Variants in CCAR2 observed in about 807,000 individuals in gnomAD.
The protein encoded by CCAR2 is cell cycle and apoptosis regulator protein 2.
CCAR2 carries 21 observed loss-of-function variants against 108.1 expected under a neutral mutation model. The ratio of observed to expected loss-of-function variants is 0.19; its 90% CI spans 0.14 to 0.28. The LOEUF is 0.28. Among genes scored for constraint, CCAR2 ranks in the 10% least tolerant of loss-of-function variants. The pLI is 1.00. For synonymous variants in CCAR2, 577 were observed against 472.8 expected, an observed-to-expected ratio of 1.22 and a Z score of -2.86; for missense variants, 1,126 against 1,177.0, an observed-to-expected ratio of 0.96 and a Z score of 0.63.
At chr8:22,618,545 C>G in intron 17 of CCAR2, 50 bp downstream of exon 17, 1 of 1,614,072 alleles carries the variant, frequency 6.2e-7, no homozygotes, top group Non-Finnish European at 8.5e-7. Flanking sequence ...TGCACTTACT[C>G]CTGCTCTAGG....
chr8:22,613,329 C>T (rs1224564244), intron 8 of CCAR2, among the ~76,000 whole-genome samples, 193 bp downstream of exon 8: 3 of 145,466 alleles, frequency 2.1e-5, no homozygotes, highest in Admixed American at 1.4e-4. Flanking sequence ...GATTTTATTT[C>T]GTATGAACAT....
In CCAR2 at chr8:22,614,965, C is replaced by T; in HGVS notation, c.1169C>T (p.Ala390Val). The change falls in exon 11 of 21, where the codon GCC becomes GTC. Residue 390 changes from alanine (A) to valine (V), a missense_variant. Around this residue, in one of 4 missense-constraint regions of CCAR2, gnomAD observed 1,013 missense variants for 993.9 expected, o/e 1.02. Transcript: ENST00000308511. ...LVRTAIRCAQ[A>V]QTGIDLSGCT... ...CGTACCGCCATCCGCTGTGCGCAGGCCCAGACTGGCATTGATTTGAGCGGC... is the reference window on the plus strand; with the variant it reads ...CGTACCGCCATCCGCTGTGCGCAGGTCCAGACTGGCATTGATTTGAGCGGC... 6.2e-7 allele frequency: 1 copy of T among 1,602,616 alleles called. No individual in the cohort carries two copies. Among genetic ancestry groups the T allele is most frequent in the South Asian group, 1.1e-5 (1 of 89,690 alleles).
At chr8:22,609,052 C>CTTTTTTTTT (rs71546822) in intron 7 of CCAR2, among the ~76,000 whole-genome samples, 1 of 133,154 alleles carries the variant, frequency 7.5e-6, no homozygotes. Context: ...CTTTTTTTTT[C>CTTTTTTTTT]TTTTTTTTTT....
At chr8:22,617,217 G>GA (rs1416011764) in intron 14 of CCAR2, among the ~76,000 whole-genome samples, 1 of 152,012 alleles carries the variant, frequency 6.6e-6, no homozygotes, top group Non-Finnish European at 1.5e-5. Context: ...AACTCCTGAG[G>GA]AAAAAAGCCC....
chr8:22,615,136 T>G (rs1350544412), intron 11 of CCAR2, 135 bp downstream of exon 11: 1 of 1,246,404 alleles, frequency 8.0e-7, no homozygotes, highest in Non-Finnish European at 1.1e-6. Context: ...CTCTGGTGCC[T>G]CAGGGTAGGG....
intron 16 of CCAR2, 57 bp from the exon 17 acceptor site, chr8:22,618,292 G>A (rs570707255): frequency 6.8e-6 from 11 of 1,609,742 alleles, no homozygotes; most frequent in South Asian, 4.4e-5. Flanking sequence ...AATCCTGGGC[G>A]ATAGAGCCAC....
intron 11 of CCAR2, 149 bp downstream of exon 11, chr8:22,615,150 G>C (rs1801449800): frequency 8.7e-7 from 1 of 1,145,182 alleles, no homozygotes; most frequent in Non-Finnish European, 1.2e-6. Flanking sequence ...GGTAGGGTGG[G>C]GTGTATGCCA....
chr8:22,617,268 A>C (rs1401897513), intron 14 of CCAR2, 152 bp from the exon 15 acceptor site: 1 of 890,706 alleles, frequency 1.1e-6, no homozygotes, highest in African/African-American at 1.7e-5. Flanking sequence ...AATCCCACTT[A>C]ATGAAATTAA....
chr8:22,605,216 CG>C, intron 1 of CCAR2: 1 of 182,456 alleles, frequency 5.5e-6, no homozygotes, highest in Non-Finnish European at 1.2e-5. Context: ...AACAACGGGT[CG>C]GGCTTCCGGG....
chr8:22,605,368 G>C, intron 1 of CCAR2: 1 of 173,816 alleles, frequency 5.8e-6, no homozygotes, highest in Middle Eastern at 2.8e-3. Flanking sequence ...AGCTACTCTG[G>C]GGGTGGCGTG....
chr8:22,616,270 G>A (rs1211129948), intron 14 of CCAR2, 22 bp downstream of exon 14: 2 of 1,607,108 alleles, frequency 1.2e-6, no homozygotes, highest in African/African-American at 2.7e-5. Context: ...GCCACCTCGG[G>A]CTGTCATAGT....
rs1585163058 is a variant in CCAR2, at chr8:22,615,926, G to GTCTT, written c.1608+15_1608+18dup. 6.2e-7 allele frequency: 1 copy of GTCTT among 1,613,810 alleles called. No homozygotes were observed. Among genetic ancestry groups the GTCTT allele is most frequent in the East Asian group, 2.2e-5 (1 of 44,864 alleles). On this transcript the variant is annotated intron_variant, in intron 13 of 20. Transcript: ENST00000308511. ...ATCTCTTTTGAGGCAGGTGTCAAGA[G>GTCTT]TCTTGGGGAGGCTGTGGGCTGGGAT...
At chr8:22,617,893 A>G in intron 16 of CCAR2, 115 bp downstream of exon 16, 1 of 1,076,474 alleles carries the variant, frequency 9.3e-7, no homozygotes, top group Admixed American at 1.9e-5. Context: ...GATGGACCCA[A>G]CACACAGTGT....
Position 22,618,053 on chromosome 8 carries a change from G to T in CCAR2, c.2073+275G>T. The T allele has an allele frequency of 5.1e-6, 3 of 590,558 alleles. No homozygotes were observed. In the South Asian group the frequency reaches 6.2e-5, roughly 12 times the overall value. 36.6% of individuals were successfully genotyped at this position (590,558 alleles called of 1,614,324 possible). On this transcript the variant is annotated intron_variant, in intron 16 of 20. Coordinates refer to ENST00000308511, the MANE Select transcript of CCAR2 (RefSeq NM_001393997.1). ...GTGGGCCAGAGAGGAAGGCTGGCTT[G>T]GGCGTGATGAACATCAGGCAAGGTG... is the stretch of plus-strand genomic sequence containing the variant.
rs73672800 is a variant in CCAR2 at position 22,618,341 on chromosome 8, C to T, written c.2074-8C>T. ...TGCAAATCCTGCTCATCTTTGTTTT[C>T]TTTGCAGCCCAAGGAGCTGGATCCC... On this transcript the variant is annotated splice_region_variant and splice_polypyrimidine_tract_variant and intron_variant, in intron 16 of 20. Transcript: ENST00000308511. 1,156 of 1,614,182 alleles carry T rather than the reference C, an allele frequency of 7.2e-4. 5 individuals are homozygous for T. In the African/African-American group the frequency reaches 0.012, roughly 17 times the overall value.
At chr8:22,619,509 C>G (rs1801671026) in intron 20 of CCAR2, 129 bp from the exon 21 acceptor site, 1 of 1,405,946 alleles carries the variant, frequency 7.1e-7, no homozygotes, top group South Asian at 1.3e-5. Context: ...CCCCTGGTTG[C>G]AGGTTCTCTG....
chr8:22,620,126 G>A lies in CCAR2; in HGVS notation c.*444G>A, dbSNP rs959647627. On this transcript the variant is annotated 3_prime_UTR_variant, in exon 21 of 21. Transcript: ENST00000308511. ...GGCTAAGCAGCCCCCTCCTCCGGATGGCACAGGCTCTGCTAGGTTCCGGAC... is the reference window on the plus strand; with the variant it reads ...GGCTAAGCAGCCCCCTCCTCCGGATAGCACAGGCTCTGCTAGGTTCCGGAC... 5.6e-6 allele frequency: 1 copy of A among 179,496 alleles called. No individual in the cohort carries two copies. Among genetic ancestry groups the A allele is most frequent in the African/African-American group, 2.4e-5 (1 of 42,292 alleles). 11.1% of individuals were successfully genotyped at this position (179,496 alleles called of 1,614,324 possible).
At chr8:22,606,197 AG>A (rs778361815) in intron 3 of CCAR2, 21 bp downstream of exon 3, 183 of 1,576,556 alleles carry the variant, frequency 1.2e-4, no homozygotes, top group Non-Finnish European at 1.4e-4. Context: ...CATCCCTTGT[AG>A]TAAGTTTCAG....
Position 22,619,765 on chromosome 8 carries a change from G to A in CCAR2, c.*83G>A, listed in dbSNP as rs200564430. 19 of 1,457,436 alleles carry A rather than the reference G, an allele frequency of 1.3e-5. No homozygotes were observed. Among genetic ancestry groups the A allele is most frequent in the East Asian group, 2.5e-5 (1 of 40,416 alleles). 90.3% of individuals were successfully genotyped at this position (1,457,436 alleles called of 1,614,324 possible). On this transcript the variant is annotated 3_prime_UTR_variant, in exon 21 of 21. Transcript: ENST00000308511. ...AGCCCTTGCGGTACCAGAAAGCAGC[G>A]AGAGCGAGACCTGGGAGCCAGGGCA...
Sources: gnomAD v4.1 joint callset for allele counts (sites outside exome capture counted in the v4.1 genomes callset) on GRCh38, gnomAD v4.1.1 for gene constraint, gnomAD v4.1.1 regional missense constraint, MANE v1.5 for transcripts, NCBI Gene and HGNC (gene_info 2026-07-23, HGNC 2026-07-21) for gene names.